Variants in PARD3 observed in about 807,000 individuals in gnomAD.
PARD3 encodes the protein par-3 family cell polarity regulator, also known as partitioning defective 3 homolog.
A neutral mutation model predicts 155.4 loss-of-function variants in PARD3; 75 were observed. The observed-to-expected ratio is 0.48, with a 90% confidence interval of 0.40 to 0.58. The LOEUF (loss-of-function observed/expected upper bound fraction) is 0.58. PARD3 is among the 20% of genes least tolerant of loss of function. The probability of loss-of-function intolerance (pLI) is 0.00; values close to 1 mark genes in which losing one functional copy is unlikely to be tolerated. For missense variants in PARD3, 1,642 were observed against 1,721.7 expected (o/e 0.95, Z 0.82); for synonymous variants, 576 against 610.5 (o/e 0.94, Z 0.83).
In PARD3 at chr10:34,317,100, G is replaced by C; in HGVS notation, c.3065+7C>G. On this transcript the variant is annotated splice_region_variant and intron_variant, in intron 20 of 24. Transcript: ENST00000374788. ...GGAGATTCTGGTTTGGGATGGTAAC[G>C]ACTTACCTGAACATGTCTCCCAAGC... 1 of 1,545,510 alleles carries C rather than the reference G, an allele frequency of 6.5e-7. No homozygotes were observed. Among genetic ancestry groups the C allele is most frequent in the Non-Finnish European group, 8.7e-7 (1 of 1,145,042 alleles).
chr10:34,590,510 A>C (rs1285304850), intron 2 of PARD3, among the ~76,000 whole-genome samples: 1 of 152,190 alleles, frequency 6.6e-6, no homozygotes, highest in Non-Finnish European at 1.5e-5. Context: ...TAAAATTGTT[A>C]CTTATTATTT....
intron 1 of PARD3, among the ~76,000 whole-genome samples, chr10:34,810,220 A>C (rs11009953): frequency 0.015 from 2,274 of 152,296 alleles, 43 homozygotes; most frequent in African/African-American, 0.051. Flanking sequence ...CTTACCACAG[A>C]CTTATTTTCA....
chr10:34,698,344 C>T (rs1387165406), intron 1 of PARD3, among the ~76,000 whole-genome samples: 1 of 152,106 alleles, frequency 6.6e-6, no homozygotes, highest in Non-Finnish European at 1.5e-5. Flanking sequence ...ACCTTTTCCC[C>T]AGCACTTTCC....
chr10:34,697,557 C>T (rs752851606), intron 1 of PARD3, among the ~76,000 whole-genome samples: 3 of 152,122 alleles, frequency 2.0e-5, no homozygotes, highest in Non-Finnish European at 4.4e-5. Flanking sequence ...ATCACTGAAA[C>T]GGAACACTTA....
chr10:34,535,829 T>A (rs866879723), intron 2 of PARD3, among the ~76,000 whole-genome samples: 11 of 139,880 alleles, frequency 7.9e-5, no homozygotes, highest in Middle Eastern at 3.5e-3. Flanking sequence ...AAAAAAAAAA[T>A]AGTTAGGCTT....
intron 23 of PARD3, among the ~76,000 whole-genome samples, chr10:34,124,590 C>G (rs1212766306): frequency 2.0e-5 from 3 of 152,086 alleles, no homozygotes; most frequent in Non-Finnish European, 4.4e-5. Context: ...CCCACACATG[C>G]CATAATTATG....
intron 15 of PARD3, chr10:34,344,178 C>T (rs1001090087): frequency 2.0e-6 from 2 of 983,728 alleles, no homozygotes; most frequent in African/African-American, 3.5e-5. Flanking sequence ...CCCAGGCTTA[C>T]AAATGACAAT....
chr10:34,660,445 CAG>C (rs956694537), intron 2 of PARD3, among the ~76,000 whole-genome samples: 8 of 151,920 alleles, frequency 5.3e-5, no homozygotes, highest in Admixed American at 5.2e-4. Context: ...ATCTTTAACA[CAG>C]GGGTATTTTC....
chr10:34,514,515 C>T (rs1391835916), intron 3 of PARD3, among the ~76,000 whole-genome samples: 3 of 152,286 alleles, frequency 2.0e-5, no homozygotes, highest in East Asian at 3.9e-4. Context: ...TGATGCATTA[C>T]GTTCACATAG....
chr10:34,675,307 T>C (rs1216496902), intron 2 of PARD3, among the ~76,000 whole-genome samples: 1 of 152,230 alleles, frequency 6.6e-6, no homozygotes, highest in African/African-American at 2.4e-5. Context: ...TGGTTGTTAT[T>C]TTCTCCATAA....
intron 22 of PARD3, among the ~76,000 whole-genome samples, chr10:34,151,617 C>T (rs986679438): frequency 1.3e-5 from 2 of 152,106 alleles, no homozygotes; most frequent in Non-Finnish European, 2.9e-5. Context: ...GTTCACATCT[C>T]GCCAAGTCAT....
chr10:34,395,754 G>A lies in PARD3; in HGVS notation c.890+3576C>T, dbSNP rs1356791481. Among the ~76,000 whole-genome samples, 2 of 54,638 alleles carry A rather than the reference G, an allele frequency of 3.7e-5. 1 individual carries two copies. Among genetic ancestry groups the A allele is most frequent in the African/African-American group, 4.4e-4 (2 of 4,506 alleles). The allele number at this position is 54,638 out of a possible 152,430, so 35.8% of individuals were successfully genotyped here. On this transcript the variant is annotated intron_variant, in intron 7 of 24. Transcript: ENST00000374788. Reference sequence around the variant, plus strand: ...CGGGAGGCTGAGGCAGGAGAATGGCGTGAACCCGGGAAGCGGAGCTTGCAG... The same window carrying A: ...CGGGAGGCTGAGGCAGGAGAATGGCATGAACCCGGGAAGCGGAGCTTGCAG...
At chr10:34,664,688 G>T (rs2093407010) in intron 2 of PARD3, among the ~76,000 whole-genome samples, 1 of 152,142 alleles carries the variant, frequency 6.6e-6, no homozygotes, top group Non-Finnish European at 1.5e-5. Flanking sequence ...GTTTCACCAT[G>T]TTGGCCAGGC....
chr10:34,814,742 G>T, intron 1 of PARD3, 134 bp downstream of exon 1: 1 of 752,366 alleles, frequency 1.3e-6, no homozygotes, highest in Non-Finnish European at 2.0e-6. Flanking sequence ...GGGGGCGCCC[G>T]CGAGGCCCGA....
At chr10:34,664,269 C>T (rs553156145) in intron 2 of PARD3, among the ~76,000 whole-genome samples, 1 of 151,768 alleles carries the variant, frequency 6.6e-6, no homozygotes, top group African/African-American at 2.4e-5. Context: ...GTAGCGTGAT[C>T]TCGGCTCACT....
At chr10:34,115,222 C>T (rs1270594557) in intron 24 of PARD3, among the ~76,000 whole-genome samples, 1 of 151,896 alleles carries the variant, frequency 6.6e-6, no homozygotes, top group African/African-American at 2.4e-5. Flanking sequence ...AGAGACACAG[C>T]GTGGAGGGTG....
chr10:34,253,690 G>A (rs553315736), intron 22 of PARD3, among the ~76,000 whole-genome samples: 3 of 60,890 alleles, frequency 4.9e-5, no homozygotes, highest in Admixed American at 2.0e-4. Context: ...AGAATCAGAC[G>A]ACCACTCAGA....
intron 22 of PARD3, among the ~76,000 whole-genome samples, chr10:34,257,726 A>C (rs1212459009): frequency 6.6e-6 from 1 of 152,268 alleles, no homozygotes; most frequent in African/African-American, 2.4e-5. Flanking sequence ...ATACATAAAT[A>C]AACAACCCCC....
Position 34,470,094 on chromosome 10 carries a change from G to A in PARD3, c.573C>T (p.Cys191=), listed in dbSNP as rs193920776. ...AAGCAGAGGTGGTTACCTTCCTGTC[G>A]CAGGTTTTAGGACTCCCAGCAGTGT... ...KQNTAGSPKT[C]DRKKDENYRS... is the part of the protein sequence containing the mutation. Residue 191 remains cysteine (C), a synonymous_variant, in exon 4 of 25, where the codon TGC becomes TGT. Transcript: ENST00000374788. 1.6e-4 allele frequency: 250 copies of A among 1,601,138 alleles called. No individual in the cohort carries two copies. Among genetic ancestry groups the A allele is most frequent in the Non-Finnish European group, 2.0e-4 (239 of 1,173,202 alleles).
Sources: gnomAD v4.1 joint callset for allele counts (sites outside exome capture counted in the v4.1 genomes callset) on GRCh38, gnomAD v4.1.1 for gene constraint, MANE v1.5 for transcripts, NCBI Gene and HGNC (gene_info 2026-07-23, HGNC 2026-07-21) for gene names.